Variants in PCDHGB2 observed in about 807,000 individuals in gnomAD.
PCDHGB2 encodes the protein protocadherin gamma-B2.
Under a neutral mutation model 59.3 loss-of-function variants are expected in PCDHGB2, and 55 were observed. The ratio of observed to expected loss-of-function variants is 0.93; its 90% CI spans 0.75 to 1.16. PCDHGB2 has a LOEUF of 1.16. Ranked by LOEUF, PCDHGB2 falls within the 50% of genes most tolerant of loss-of-function variation. The pLI, the probability that PCDHGB2 is intolerant of heterozygous loss-of-function variation, is 0.00. For synonymous variants in PCDHGB2, 516 were observed against 512.0 expected (o/e 1.01, Z -0.11); for missense variants, 1,228 against 1,198.5 (o/e 1.02, Z -0.36).
chr5:141,436,337 A>G (rs1450981655), intron 1 of PCDHGB2, among the ~76,000 whole-genome samples: 1 of 152,178 alleles, frequency 6.6e-6, no homozygotes, highest in Non-Finnish European at 1.5e-5. Flanking sequence ...CATATCTCAA[A>G]TATCAGTGAC....
chr5:141,494,818 C>T lies in PCDHGB2; in HGVS notation c.2433C>T (p.Pro811=). The part of the protein sequence containing the change: ...ASDTILKQAP[P]NTDWRFSQAQ... ...TGTTTTCTCCACAGCAAGCCCCGCCCAACACGGACTGGCGTTTCTCTCAGG... is the reference window on the plus strand; with the variant it reads ...TGTTTTCTCCACAGCAAGCCCCGCCTAACACGGACTGGCGTTTCTCTCAGG... Residue 811 remains proline (P), a synonymous_variant, in exon 2 of 4, where the codon CCC becomes CCT. Transcript: ENST00000522605. 1.9e-6 allele frequency: 3 copies of T among 1,614,152 alleles called. No homozygotes were observed. The highest frequency in any genetic ancestry group is 2.2e-5 in the South Asian group (2 of 91,074).
intron 1 of PCDHGB2, chr5:141,399,825 C>T (rs1439243162): frequency 1.9e-6 from 3 of 1,613,178 alleles, no homozygotes; most frequent in Non-Finnish European, 2.5e-6. Flanking sequence ...TGGGTCCCGA[C>T]GGCTCTGCGC....
chr5:141,382,126 C>G (rs1360934225), intron 1 of PCDHGB2, among the ~76,000 whole-genome samples: 1 of 151,958 alleles, frequency 6.6e-6, no homozygotes, highest in African/African-American at 2.4e-5. Context: ...CAGCACCTGG[C>G]CCCCCCTCTC....
chr5:141,498,807 C>G (rs113587634), intron 2 of PCDHGB2, among the ~76,000 whole-genome samples: 1 of 152,030 alleles, frequency 6.6e-6, no homozygotes, highest in Non-Finnish European at 1.5e-5. Flanking sequence ...GTGGTGCACA[C>G]CTGTAGTCCC....
Position 141,360,790 on chromosome 5 carries a change from G to C in PCDHGB2, c.655G>C (p.Asp219His). Residue 219 changes from aspartate to histidine, a missense_variant, in exon 1 of 4, where the codon GAC becomes CAC. Transcript: ENST00000522605. The part of the protein sequence containing the change: ...QLVLTAVDGG[D>H]PPQSGTTQIR... Reference sequence around the variant, plus strand: ...GGTCCTCACAGCTGTGGATGGCGGAGACCCACCTCAAAGTGGCACGACCCA... The same window carrying C: ...GGTCCTCACAGCTGTGGATGGCGGACACCCACCTCAAAGTGGCACGACCCA... 6.2e-7 allele frequency: 1 copy of C among 1,613,878 alleles called. No homozygotes were observed. The highest frequency in any genetic ancestry group is 8.5e-7 in the Non-Finnish European group (1 of 1,179,890).
Position 141,431,278 on chromosome 5 carries a change from C to A in PCDHGB2, c.2422-63529C>A, listed in dbSNP as rs755533628. On this transcript the variant is annotated intron_variant, in intron 1 of 3. Transcript: ENST00000522605. The surrounding 1 kb of genome is among the most constrained non-coding windows in gnomAD (Gnocchi z 4.8). ...ACTCTCTGCAGAGCTACGAGCTCAG[C>A]CCGAACACTCACTTCTCCCTCATCG... 6.2e-7 allele frequency: 1 copy of A among 1,614,170 alleles called. No individual in the cohort carries two copies. The highest frequency in any genetic ancestry group is 8.5e-7 in the Non-Finnish European group (1 of 1,180,038).
In PCDHGB2 at chr5:141,486,587, G is replaced by A. The variant is rs2099631441; in HGVS notation, c.2422-8220G>A. 6.2e-7 allele frequency: 1 copy of A among 1,613,478 alleles called. No homozygotes were observed. The highest frequency in any genetic ancestry group is 1.7e-5 in the Admixed American group (1 of 60,014). On this transcript the variant is annotated intron_variant, in intron 1 of 3. Coordinates refer to ENST00000522605, the MANE Select transcript of PCDHGB2 (RefSeq NM_018923.3). The surrounding 1 kb of genome is among the most constrained non-coding windows in gnomAD (Gnocchi z 5.0). ...TGTTCCTGAGAACAATCGCCCAGGGGACCTGCTTTGCTCCCTTGCAGCCTC... is the reference window on the plus strand; with the variant it reads ...TGTTCCTGAGAACAATCGCCCAGGGAACCTGCTTTGCTCCCTTGCAGCCTC...
At chr5:141,415,747 T>G (rs774746065) in intron 1 of PCDHGB2, 22 of 797,580 alleles carry the variant, frequency 2.8e-5, no homozygotes, top group Middle Eastern at 5.1e-4. Context: ...AAGGTTTTTT[T>G]TTTTTTTTTT....
In PCDHGB2 at chr5:141,496,208, G is replaced by T. The variant is rs530974273; in HGVS notation, c.2480+1343G>T. On this transcript the variant is annotated intron_variant, in intron 2 of 3. Coordinates refer to ENST00000522605, the MANE Select transcript of PCDHGB2 (RefSeq NM_018923.3). Reference sequence around the variant, plus strand: ...CCAGCTGCTCATTTCAATCTGGTATGAATTCCTGCTGAGACAGGAACCCCC... The same window carrying T: ...CCAGCTGCTCATTTCAATCTGGTATTAATTCCTGCTGAGACAGGAACCCCC... Among the ~76,000 whole-genome samples, 13 of 152,222 alleles carry T rather than the reference G, an allele frequency of 8.5e-5. No homozygotes were observed. In the East Asian group the frequency reaches 2.3e-3, roughly 27 times the overall value.
intron 1 of PCDHGB2, chr5:141,392,917 T>C: frequency 2.5e-6 from 4 of 1,613,922 alleles, no homozygotes; most frequent in Non-Finnish European, 3.4e-6. Context: ...CGCTACTCTG[T>C]GCCAGAAGAG....
chr5:141,371,078 C>G (rs776361776), intron 1 of PCDHGB2: 7 of 1,613,888 alleles, frequency 4.3e-6, no homozygotes, highest in Non-Finnish European at 5.9e-6. Context: ...CCACCCAGAT[C>G]AGGGTAATTG....
chr5:141,427,556 C>A (rs1022143090), intron 1 of PCDHGB2: 7 of 649,144 alleles, frequency 1.1e-5, no homozygotes, highest in African/African-American at 1.1e-4. Flanking sequence ...CTGCCACTGA[C>A]AAGGGCAAGC....
At position 141,476,573 on chromosome 5, in the gene PCDHGB2, C is replaced by T; in HGVS notation, c.2422-18234C>T. 6.2e-7 allele frequency: 1 copy of T among 1,614,216 alleles called. No homozygotes were observed. Among genetic ancestry groups the T allele is most frequent in the Non-Finnish European group, 8.5e-7 (1 of 1,180,038 alleles). On this transcript the variant is annotated intron_variant, in intron 1 of 3. Coordinates refer to ENST00000522605, the MANE Select transcript of PCDHGB2 (RefSeq NM_018923.3). The surrounding 1 kb of genome is among the most constrained non-coding windows in gnomAD (Gnocchi z 7.6). ...TAGCGAGGCCGTGGCTCCGGGGACG[C>T]GCTTTCCGCTCGAGAGCGCGCACGA... is the stretch of plus-strand genomic sequence containing the variant.
rs2099756055 is a variant in PCDHGB2, at chr5:141,494,679, C to T, written c.2422-128C>T. The T allele has an allele frequency of 3.9e-6, 6 of 1,556,494 alleles. No homozygotes were observed. In the South Asian group the frequency reaches 4.7e-5, roughly 12 times the overall value. ...GTCTTTGGAGATGAGTCCACCCCTG[C>T]CCCCTCTTAGTCCGTTTTCTTCTCT... is the stretch of plus-strand genomic sequence containing the variant. On this transcript the variant is annotated intron_variant, in intron 1 of 3. Coordinates refer to ENST00000522605, the MANE Select transcript of PCDHGB2 (RefSeq NM_018923.3).
intron 1 of PCDHGB2, chr5:141,426,610 C>G (rs1376781969): frequency 2.6e-6 from 1 of 382,832 alleles, no homozygotes; most frequent in Non-Finnish European, 5.3e-6. Context: ...GAGATTGTAG[C>G]AGAGAATCCT....
At chr5:141,406,025 G>A (rs1367856742) in intron 1 of PCDHGB2, among the ~76,000 whole-genome samples, 1 of 151,502 alleles carries the variant, frequency 6.6e-6, no homozygotes, top group Non-Finnish European at 1.5e-5. Flanking sequence ...TTTTGGGTAG[G>A]GTTGCTTCAT....
rs17097297 is a variant in PCDHGB2 at position 141,426,366 on chromosome 5, G to C, written c.2421+63810G>C. 737 of 204,832 alleles carry C rather than the reference G, an allele frequency of 3.6e-3. 4 individuals are homozygous for C. The highest frequency in any genetic ancestry group is 0.015 in the African/African-American group (666 of 43,954). 12.7% of individuals were successfully genotyped at this position (204,832 alleles called of 1,614,324 possible). Reference sequence around the variant, plus strand: ...CTTTCCTGCTGCCTTTGTTCTGCGGGGCACCCTCGGAGCAGATCCGCTACT... The same window carrying C: ...CTTTCCTGCTGCCTTTGTTCTGCGGCGCACCCTCGGAGCAGATCCGCTACT... On this transcript the variant is annotated intron_variant, in intron 1 of 3. Transcript: ENST00000522605.
At chr5:141,417,941 A>T (rs1319967892) in intron 1 of PCDHGB2, 1 of 1,612,890 alleles carries the variant, frequency 6.2e-7, no homozygotes, top group South Asian at 1.1e-5. Context: ...GTTCTACCCC[A>T]CGCTGTGTGA....
intron 1 of PCDHGB2, among the ~76,000 whole-genome samples, chr5:141,456,625 C>T (rs544550965): frequency 4.6e-5 from 7 of 152,288 alleles, no homozygotes; most frequent in African/African-American, 1.4e-4. Flanking sequence ...AGATTTGCCT[C>T]TTCTTTACTA....
Sources: allele counts gnomAD v4.1 joint callset (sites outside exome capture counted in the v4.1 genomes callset), GRCh38; gene constraint gnomAD v4.1.1; non-coding constraint Gnocchi (gnomAD v3.1); transcripts MANE v1.5; gene names NCBI Gene and HGNC (gene_info 2026-07-23, HGNC 2026-07-21).